Variants in PRKG2 observed in about 807,000 individuals in gnomAD.
The protein encoded by PRKG2 is protein kinase cGMP-dependent 2.
In PRKG2, 33 loss-of-function variants were observed where a neutral mutation model predicts 97.2. That is an observed-to-expected ratio of 0.34 (90% CI 0.26 to 0.45). The LOEUF (loss-of-function observed/expected upper bound fraction) is 0.45. Ranked by LOEUF, PRKG2 falls within the 20% of genes least tolerant of loss-of-function variation. The pLI, the probability that PRKG2 is intolerant of heterozygous loss-of-function variation, is 1.00. For missense variants in PRKG2, 638 were observed against 900.0 expected, an observed-to-expected ratio of 0.71 and a Z score of 3.73; for synonymous variants, 330 against 321.8, an observed-to-expected ratio of 1.03 and a Z score of -0.27.
chr4:81,214,147 C>T (rs1275498161), intron 1 of PRKG2, among the ~76,000 whole-genome samples: 7 of 116,124 alleles, frequency 6.0e-5, no homozygotes, highest in African/African-American at 2.7e-4. Context: ...ATGTTGCTCT[C>T]TTCCTTAAAA....
chr4:81,151,017 A>G (rs1357949439), intron 8 of PRKG2, among the ~76,000 whole-genome samples: 11 of 152,020 alleles, frequency 7.2e-5, no homozygotes, highest in Non-Finnish European at 1.6e-4. Flanking sequence ...GAGATTTGTG[A>G]TTTTTAAAGA....
intron 2 of PRKG2, among the ~76,000 whole-genome samples, chr4:81,199,629 G>A (rs75869453): frequency 0.013 from 1,983 of 152,186 alleles, 43 homozygotes; most frequent in African/African-American, 0.045. Context: ...CAGTATTTGC[G>A]AGGCATTCAG....
chr4:81,157,684 A>C (rs1271101703), intron 6 of PRKG2, among the ~76,000 whole-genome samples: 1 of 152,060 alleles, frequency 6.6e-6, no homozygotes, highest in Non-Finnish European at 1.5e-5. Flanking sequence ...ATCCTCAATA[A>C]AATACTGGCA....
chr4:81,134,934 C>A (rs1294586089), intron 14 of PRKG2, among the ~76,000 whole-genome samples: 1 of 152,012 alleles, frequency 6.6e-6, no homozygotes, highest in African/African-American at 2.4e-5. Flanking sequence ...ATTATGTGAA[C>A]CTTCAGTAGG....
intron 2 of PRKG2, among the ~76,000 whole-genome samples, chr4:81,181,733 G>A (rs949822880): frequency 1.3e-5 from 2 of 151,942 alleles, no homozygotes; most frequent in South Asian, 2.1e-4. Context: ...TGAGTAGTAT[G>A]AACAACTTTA....
intron 17 of PRKG2, among the ~76,000 whole-genome samples, chr4:81,094,490 G>A (rs777725019): frequency 1.3e-5 from 2 of 152,054 alleles, no homozygotes; most frequent in African/African-American, 2.4e-5. Context: ...ACTTGTGGAA[G>A]GTTTTAAGAT....
chr4:81,200,532 G>A (rs1578518206), intron 2 of PRKG2, among the ~76,000 whole-genome samples: 1 of 152,140 alleles, frequency 6.6e-6, no homozygotes, highest in African/African-American at 2.4e-5. Context: ...GCCCAGGCTG[G>A]TCTAATCAAG....
chr4:81,148,612 G>T (rs113959290), intron 9 of PRKG2, among the ~76,000 whole-genome samples: 2 of 152,142 alleles, frequency 1.3e-5, no homozygotes, highest in Admixed American at 1.3e-4. Flanking sequence ...TTCCCTAGAA[G>T]ATGCAGAATT....
intron 9 of PRKG2, among the ~76,000 whole-genome samples, chr4:81,148,342 A>G (rs1748059839): frequency 6.6e-6 from 1 of 152,166 alleles, no homozygotes; most frequent in Non-Finnish European, 1.5e-5. Context: ...ATTATTTCAA[A>G]TGAGTGATGC....
In PRKG2 at chr4:81,110,599, A is replaced by G; in HGVS notation, c.1789T>C (p.Phe597Leu). The change falls in exon 15 of 19, where the codon TTT (phenylalanine) becomes CTT (leucine). Residue 597 changes from phenylalanine to leucine, a missense_variant. Around this residue, in one of 3 missense-constraint regions of PRKG2, gnomAD observed 304 missense variants for 460.5 expected, o/e 0.66. Coordinates refer to ENST00000264399, the MANE Select transcript of PRKG2 (RefSeq NM_006259.3). Reference protein sequence around the residue: ...EGYLKLVDFGFAKKIGSGQKT... With the variant: ...EGYLKLVDFGLAKKIGSGQKT... ...TGTCCAGACCCTATTTTCTTCGCAA[A>G]TCCAAAGTCAACCTGGTAAAGAATA... is the stretch of plus-strand genomic sequence containing the variant. 1 of 1,613,790 alleles carries G rather than the reference A, an allele frequency of 6.2e-7. No individual in the cohort carries two copies. Among genetic ancestry groups the G allele is most frequent in the Non-Finnish European group, 8.5e-7 (1 of 1,179,910 alleles).
In PRKG2 at chr4:81,152,813, G is replaced by A. The variant is rs137933755; in HGVS notation, c.991-759C>T. Among the ~76,000 whole-genome samples the A allele has an allele frequency of 7.0e-3, 1,069 of 152,274 alleles. 5 individuals are homozygous for A. The highest frequency in any genetic ancestry group is 0.011 in the Non-Finnish European group (734 of 68,022). On this transcript the variant is annotated intron_variant, in intron 7 of 18. Transcript: ENST00000264399. ...CTAGGTTGGGAAAAAATGACAAGAA[G>A]TAGTTCCTAGTGTTGAAGAGTTTCA...
intron 3 of PRKG2, among the ~76,000 whole-genome samples, chr4:81,173,483 T>A (rs554737773): frequency 1.4e-4 from 21 of 152,200 alleles, no homozygotes; most frequent in Admixed American, 1.2e-3. Context: ...GCTGCAATAC[T>A]CTAGTGTTGC....
At chr4:81,111,703 T>G (rs900874337) in intron 14 of PRKG2, among the ~76,000 whole-genome samples, 1 of 152,022 alleles carries the variant, frequency 6.6e-6, no homozygotes, top group African/African-American at 2.4e-5. Flanking sequence ...GTGCACAGAA[T>G]AGACAGAAAA....
intron 2 of PRKG2, among the ~76,000 whole-genome samples, chr4:81,183,608 A>C (rs1489119328): frequency 2.0e-5 from 3 of 150,926 alleles, no homozygotes; most frequent in African/African-American, 7.3e-5. Context: ...TTTTTTTTTC[A>C]TACCCCCGTG....
At chr4:81,128,113 C>T (rs1745789430) in intron 14 of PRKG2, among the ~76,000 whole-genome samples, 1 of 151,990 alleles carries the variant, frequency 6.6e-6, no homozygotes, top group Non-Finnish European at 1.5e-5. Flanking sequence ...CATTCATTCT[C>T]TTTATCTAAT....
chr4:81,144,608 A>ATTT lies in PRKG2; in HGVS notation c.1155-279_1155-278insAAA, dbSNP rs200058151. Among the ~76,000 whole-genome samples the ATTT allele has an allele frequency of 4.8e-3, 681 of 140,452 alleles. 6 individuals are homozygous for ATTT. The highest frequency in any genetic ancestry group is 0.019 in the African/African-American group (623 of 32,350). 92.1% of individuals were successfully genotyped at this position (140,452 alleles called of 152,430 possible). ...TGTATTTAAGGTTATATATATATAT[A>ATTT]TATTTTTTTTTTATTATACTTTAAG... On this transcript the variant is annotated intron_variant, in intron 9 of 18. Transcript: ENST00000264399.
intron 17 of PRKG2, among the ~76,000 whole-genome samples, chr4:81,095,217 C>A (rs920501182): frequency 1.3e-5 from 2 of 152,188 alleles, no homozygotes; most frequent in Non-Finnish European, 2.9e-5. Context: ...AGATGCTATT[C>A]TAAACCAAAA....
At chr4:81,183,055 C>T (rs975978245) in intron 2 of PRKG2, among the ~76,000 whole-genome samples, 1 of 150,684 alleles carries the variant, frequency 6.6e-6, no homozygotes, top group Non-Finnish European at 1.5e-5. Flanking sequence ...CATAAAAAGG[C>T]CCAAGACTAG....
At chr4:81,153,350 C>A in intron 7 of PRKG2, 1 of 243,634 alleles carries the variant, frequency 4.1e-6, no homozygotes, top group East Asian at 9.9e-5. Flanking sequence ...ATAGTCATAG[C>A]CAGAAGGGAC....
Sources: gnomAD v4.1 joint callset for allele counts (sites outside exome capture counted in the v4.1 genomes callset) on GRCh38, gnomAD v4.1.1 for gene constraint, gnomAD v4.1.1 regional missense constraint, MANE v1.5 for transcripts, NCBI Gene and HGNC (gene_info 2026-07-23, HGNC 2026-07-21) for gene names.